The following CDH12 variants were observed in gnomAD, a reference collection of about 807,000 sequenced individuals.
The protein encoded by CDH12 is cadherin-12.
CDH12 carries 41 observed loss-of-function variants against 74.1 expected under a neutral mutation model. The observed-to-expected ratio is 0.55, with a 90% CI of 0.43 to 0.72. The LOEUF (loss-of-function observed/expected upper bound fraction) is 0.72. Ranked by LOEUF, CDH12 falls within the 30% of genes least tolerant of loss-of-function variation. The pLI, the probability that CDH12 is intolerant of heterozygous loss-of-function variation, is 0.00. For missense variants in CDH12, 945 were observed against 977.2 expected (o/e 0.97, Z 0.44); for synonymous variants, 399 against 355.0 (o/e 1.12, Z -1.39).
chr5:22,666,790 A>AT (rs756414087), intron 1 of CDH12, among the ~76,000 whole-genome samples: 63 of 152,360 alleles, frequency 4.1e-4, no homozygotes, highest in Non-Finnish European at 3.8e-4. Flanking sequence ...AATTAATATT[A>AT]TGTGCATTAT....
chr5:22,111,654 T>C lies in CDH12; in HGVS notation c.-186-32792A>G, dbSNP rs1744823377. 1.3e-5 allele frequency among the ~76,000 whole-genome samples: 2 copies of C among 152,312 alleles called. 1 individual carries two copies. The highest frequency in any genetic ancestry group is 2.9e-5 in the Non-Finnish European group (2 of 68,020). On this transcript the variant is annotated intron_variant, in intron 4 of 14. Coordinates refer to ENST00000382254, the MANE Select transcript of CDH12 (RefSeq NM_004061.5). ...GCTTCATATTTTCCAACACTTTGCA[T>C]GGTAATTGTGCTACCCCAAAAGTCA...
At chr5:21,901,920 CAG>C (rs10561486) in intron 6 of CDH12, among the ~76,000 whole-genome samples, 99,063 of 151,850 alleles carry the variant, frequency 0.65, 36,024 homozygotes, top group Non-Finnish European at 0.8. Context: ...TATTGTATAA[CAG>C]ATACTCTATG....
chr5:22,782,223 G>C (rs1385473902), intron 1 of CDH12, among the ~76,000 whole-genome samples: 1 of 152,124 alleles, frequency 6.6e-6, no homozygotes. Context: ...AAAAGAACAT[G>C]AGATTTGGGA....
chr5:22,232,942 A>G (rs1752434879), intron 3 of CDH12, among the ~76,000 whole-genome samples: 1 of 149,312 alleles, frequency 6.7e-6, no homozygotes, highest in African/African-American at 2.4e-5. Context: ...GTGCCTTTGT[A>G]GAGAATCGAA....
chr5:22,428,718 G>GA (rs547367372), intron 2 of CDH12, among the ~76,000 whole-genome samples: 11 of 152,196 alleles, frequency 7.2e-5, no homozygotes, highest in Non-Finnish European at 1.2e-4. Flanking sequence ...GAGAAAAGTG[G>GA]AAAGCAGGTC....
chr5:22,397,682 T>A (rs1030824716), intron 3 of CDH12, among the ~76,000 whole-genome samples: 3 of 152,144 alleles, frequency 2.0e-5, no homozygotes, highest in South Asian at 2.1e-4. Flanking sequence ...TATAAGATAT[T>A]GCTACAGTTT....
chr5:21,817,244 T>C (rs1361288011), intron 8 of CDH12, 112 bp from the exon 9 acceptor site: 6 of 650,874 alleles, frequency 9.2e-6, no homozygotes, highest in Non-Finnish European at 1.5e-5. Flanking sequence ...TAGAACATTA[T>C]AGTGCAAATT....
intron 5 of CDH12, among the ~76,000 whole-genome samples, chr5:21,997,996 G>A (rs1272579272): frequency 6.6e-6 from 1 of 152,114 alleles, no homozygotes; most frequent in East Asian, 1.9e-4. Flanking sequence ...CTGAAAAGAA[G>A]AGAGATTTTT....
At chr5:22,624,964 G>A (rs1475161987) in intron 1 of CDH12, among the ~76,000 whole-genome samples, 1 of 152,144 alleles carries the variant, frequency 6.6e-6, no homozygotes, top group African/African-American at 2.4e-5. Flanking sequence ...TATACACCAT[G>A]GAATACTATG....
chr5:22,158,069 G>A (rs1748133420), intron 4 of CDH12, among the ~76,000 whole-genome samples: 1 of 151,702 alleles, frequency 6.6e-6, no homozygotes. Flanking sequence ...TAAAATAGAG[G>A]GAGAGTACAA....
chr5:22,737,407 G>A (rs964443608), intron 1 of CDH12, among the ~76,000 whole-genome samples: 3 of 151,828 alleles, frequency 2.0e-5, no homozygotes, highest in African/African-American at 7.3e-5. Flanking sequence ...AATATATTTA[G>A]TTTCATTTCA....
At chr5:22,644,093 A>G (rs1480962701) in intron 1 of CDH12, among the ~76,000 whole-genome samples, 1 of 151,944 alleles carries the variant, frequency 6.6e-6, no homozygotes, top group East Asian at 1.9e-4. Flanking sequence ...GTATTCCCTG[A>G]GACACAGCAA....
At chr5:22,691,254 C>A (rs1742068873) in intron 1 of CDH12, among the ~76,000 whole-genome samples, 1 of 152,120 alleles carries the variant, frequency 6.6e-6, no homozygotes, top group Non-Finnish European at 1.5e-5. Flanking sequence ...TTTTTACATT[C>A]CTTACTTCTT....
chr5:22,532,676 T>C (rs1458604271), intron 1 of CDH12, among the ~76,000 whole-genome samples: 1 of 151,840 alleles, frequency 6.6e-6, no homozygotes. Flanking sequence ...TGATGACTTT[T>C]GGTTAACAAA....
At chr5:22,069,113 C>T (rs574904073) in intron 5 of CDH12, among the ~76,000 whole-genome samples, 4 of 152,180 alleles carry the variant, frequency 2.6e-5, no homozygotes, top group Non-Finnish European at 5.9e-5. Flanking sequence ...AAACTACCAT[C>T]TGTGACCTAT....
In CDH12 at chr5:22,569,188, A is replaced by C. The variant is rs190513702; in HGVS notation, c.-522-63824T>G. Among the ~76,000 whole-genome samples, 6 of 152,290 alleles carry C rather than the reference A, an allele frequency of 3.9e-5. No individual in the cohort carries two copies. The East Asian group carries it at 1.2e-3, about 29-fold the overall frequency. On this transcript the variant is annotated intron_variant, in intron 1 of 14. Transcript: ENST00000382254. ...TGTCCCTCCCCAAATCTCATGTTGA[A>C]ATCTAGTTCTCAGTGATGAAGGCAG...
At chr5:22,388,282 T>A (rs1313708818) in intron 3 of CDH12, among the ~76,000 whole-genome samples, 1 of 152,028 alleles carries the variant, frequency 6.6e-6, no homozygotes. Context: ...AAGTCCCCTT[T>A]CATGTATAAA....
intron 1 of CDH12, among the ~76,000 whole-genome samples, chr5:22,807,624 ATG>A (rs1290751338): frequency 7.9e-5 from 12 of 152,236 alleles, no homozygotes; most frequent in African/African-American, 2.9e-4. Context: ...TACCTAGGCT[ATG>A]TGTTACAGCC....
chr5:21,918,943 C>G (rs1381691906), intron 6 of CDH12, among the ~76,000 whole-genome samples: 1 of 152,012 alleles, frequency 6.6e-6, no homozygotes, highest in Admixed American at 6.6e-5. Flanking sequence ...TTTACAAAGT[C>G]ATATTGACAG....
Sources: gnomAD v4.1 joint callset for allele counts (sites outside exome capture counted in the v4.1 genomes callset) on GRCh38, gnomAD v4.1.1 for gene constraint, MANE v1.5 for transcripts, NCBI Gene and HGNC (gene_info 2026-07-23, HGNC 2026-07-21) for gene names.